Variants in FER1L6 observed in about 807,000 individuals in gnomAD.
FER1L6 encodes fer-1 like family member 6, also known as fer-1-like protein 6.
A neutral mutation model predicts 219.2 loss-of-function variants in FER1L6; 177 were observed. The ratio of observed to expected loss-of-function variants is 0.81; its 90% CI spans 0.71 to 0.91. The LOEUF (loss-of-function observed/expected upper bound fraction) is 0.91, where lower values mean the gene tolerates loss of function less well. FER1L6 is among the 40% of genes least tolerant of loss of function. The pLI, the probability that FER1L6 is intolerant of heterozygous loss-of-function variation, is 0.00. For missense variants in FER1L6, 2,153 were observed against 2,259.9 expected, an observed-to-expected ratio of 0.95 and a Z score of 0.96; for synonymous variants, 768 against 824.3, an observed-to-expected ratio of 0.93 and a Z score of 1.17.
chr8:124,028,222 C>T (rs74346792), intron 18 of FER1L6, among the ~76,000 whole-genome samples: 4,743 of 152,248 alleles, frequency 0.031, 254 homozygotes, highest in African/African-American at 0.11. Context: ...TAAGCCTTAG[C>T]TTATTTCTTT....
intron 2 of FER1L6, among the ~76,000 whole-genome samples, chr8:123,959,759 C>CA (rs2130158457): frequency 6.6e-6 from 1 of 152,318 alleles, no homozygotes; most frequent in Non-Finnish European, 1.5e-5. Context: ...ACCATGGCTT[C>CA]AGGAGTGTCT....
chr8:124,110,925 A>G (rs948459999), intron 39 of FER1L6, among the ~76,000 whole-genome samples: 1 of 152,152 alleles, frequency 6.6e-6, no homozygotes, highest in African/African-American at 2.4e-5. Context: ...CAGTCTTCTC[A>G]AATCTTTATG....
At chr8:124,018,707 G>A (rs1295731626) in intron 16 of FER1L6, among the ~76,000 whole-genome samples, 2 of 152,084 alleles carry the variant, frequency 1.3e-5, no homozygotes, top group African/African-American at 4.8e-5. Context: ...CTCTAGACCT[G>A]CATTTCCAGC....
chr8:123,934,597 A>G (rs908305198), intron 1 of FER1L6, among the ~76,000 whole-genome samples: 1 of 151,558 alleles, frequency 6.6e-6, no homozygotes, highest in African/African-American at 2.4e-5. Context: ...TGGAGGAGGC[A>G]TGTGCTATCA....
Position 123,865,162 on chromosome 8 carries a change from G to T in FER1L6, c.-8+12977G>T, listed in dbSNP as rs1277260404. ...GGTGATGTACAGATGGGTTTTCGGT[G>T]TGGATGTCCTTTCTGTTTGTTAGTT... On this transcript the variant is annotated intron_variant, in intron 1 of 40. Coordinates refer to ENST00000522917, the MANE Select transcript of FER1L6 (RefSeq NM_001039112.2). 3.3e-4 allele frequency among the ~76,000 whole-genome samples: 49 copies of T among 149,098 alleles called. 3 individuals are homozygous for T. The highest frequency in any genetic ancestry group is 1.2e-3 in the African/African-American group (48 of 39,066).
At chr8:124,070,950 C>G (rs1821043901) in intron 30 of FER1L6, among the ~76,000 whole-genome samples, 1 of 152,214 alleles carries the variant, frequency 6.6e-6, no homozygotes, top group South Asian at 2.1e-4. Context: ...AGCCCTTCAT[C>G]TGGCAGACTT....
At chr8:124,107,304 G>A (rs1563804674) in intron 39 of FER1L6, among the ~76,000 whole-genome samples, 1 of 152,158 alleles carries the variant, frequency 6.6e-6, no homozygotes, top group African/African-American at 2.4e-5. Flanking sequence ...TAAGTGCTCA[G>A]TAAATGTTCT....
intron 12 of FER1L6, among the ~76,000 whole-genome samples, chr8:123,995,639 T>A (rs1817097653): frequency 6.6e-6 from 1 of 152,138 alleles, no homozygotes; most frequent in Admixed American, 6.5e-5. Context: ...TCTTTTGTAT[T>A]GTTTTTATGT....
At chr8:123,926,359 G>A (rs549476431) in intron 1 of FER1L6, among the ~76,000 whole-genome samples, 39 of 152,338 alleles carry the variant, frequency 2.6e-4, no homozygotes, top group Middle Eastern at 6.8e-3. Flanking sequence ...TGTCCACGTG[G>A]CCTGGAAGTA....
At chr8:124,034,422 C>T (rs1819111728) in intron 18 of FER1L6, among the ~76,000 whole-genome samples, 1 of 152,180 alleles carries the variant, frequency 6.6e-6, no homozygotes, top group African/African-American at 2.4e-5. Flanking sequence ...TACATGCACC[C>T]CTATGCAGGC....
At chr8:124,018,100 A>G (rs1367400822) in intron 16 of FER1L6, among the ~76,000 whole-genome samples, 1 of 152,190 alleles carries the variant, frequency 6.6e-6, no homozygotes, top group Non-Finnish European at 1.5e-5. Flanking sequence ...GTTAAAATTT[A>G]AAAGCGCTTC....
chr8:124,035,020 C>G (rs1819135879), intron 18 of FER1L6, among the ~76,000 whole-genome samples: 1 of 152,092 alleles, frequency 6.6e-6, no homozygotes, highest in Non-Finnish European at 1.5e-5. Flanking sequence ...TTAAATGACC[C>G]ACGGCTTGGA....
intron 3 of FER1L6, among the ~76,000 whole-genome samples, chr8:123,963,781 A>C (rs1815407704): frequency 6.6e-6 from 1 of 152,232 alleles, no homozygotes; most frequent in Non-Finnish European, 1.5e-5. Context: ...ATGCTACCCA[A>C]CAAAAAGTCA....
intron 22 of FER1L6, among the ~76,000 whole-genome samples, chr8:124,058,295 T>TCAA (rs1820401200): frequency 6.6e-6 from 1 of 152,192 alleles, no homozygotes; most frequent in Non-Finnish European, 1.5e-5. Flanking sequence ...AAGCTGGACC[T>TCAA]ACTTTGAGGT....
At chr8:124,078,706 AGG>A (rs879564819) in intron 32 of FER1L6, among the ~76,000 whole-genome samples, 128,948 of 151,904 alleles carry the variant, frequency 0.85, 54,858 homozygotes, top group African/African-American at 0.88. Context: ...AAGGCATCCC[AGG>A]TGGGATGGGA....
At chr8:124,017,243 T>C (rs1313788474) in intron 15 of FER1L6, among the ~76,000 whole-genome samples, 1 of 152,174 alleles carries the variant, frequency 6.6e-6, no homozygotes, top group Non-Finnish European at 1.5e-5. Flanking sequence ...TGGGGACACA[T>C]CTAGGTATTG....
chr8:123,934,345 T>C (rs7842762), intron 1 of FER1L6, among the ~76,000 whole-genome samples: 70,161 of 151,992 alleles, frequency 0.46, 16,427 homozygotes, highest in South Asian at 0.52. Context: ...CAAACAAGGA[T>C]CATGTGTTGC....
In FER1L6 at chr8:123,893,454, T is replaced by A. The variant is rs546023991; in HGVS notation, c.-8+41269T>A. 2.0e-5 allele frequency among the ~76,000 whole-genome samples: 3 copies of A among 152,370 alleles called. No homozygotes were observed. The South Asian group carries it at 6.2e-4, about 32-fold the overall frequency. On this transcript the variant is annotated intron_variant, in intron 1 of 40. Transcript: ENST00000522917. ...GATTCTTTTTCAGAGATTAGAGAAC[T>A]TTTTGAACTATTTATAGTTTTGAAA...
intron 39 of FER1L6, among the ~76,000 whole-genome samples, chr8:124,108,345 TAC>T (rs35936089): frequency 0.84 from 128,372 of 151,996 alleles, 54,307 homozygotes; most frequent in African/African-American, 0.86. Flanking sequence ...TTAAAGTATG[TAC>T]ACCTCATGAG....
Sources: allele counts gnomAD v4.1 joint callset (sites outside exome capture counted in the v4.1 genomes callset), GRCh38; gene constraint gnomAD v4.1.1; transcripts MANE v1.5; gene names NCBI Gene and HGNC (gene_info 2026-07-23, HGNC 2026-07-21).